MEF2D: variants seen among roughly 807,000 people sequenced by gnomAD.
The protein encoded by MEF2D is myocyte-specific enhancer factor 2D.
A neutral mutation model predicts 59.3 loss-of-function variants in MEF2D; 10 were observed. The observed-to-expected ratio is 0.17, with a 90% CI of 0.10 to 0.29. The LOEUF (loss-of-function observed/expected upper bound fraction) is 0.29, where lower values mean the gene tolerates loss of function less well. MEF2D is among the 10% of genes least tolerant of loss of function. The pLI is 1.00. For missense variants in MEF2D, 508 were observed against 699.4 expected (o/e 0.73, Z 3.09); for synonymous variants, 305 against 295.0 (o/e 1.03, Z -0.35).
Position 156,469,169 on chromosome 1 carries a change from C to T in MEF2D, c.1007-149G>A, listed in dbSNP as rs961000477. 9.2e-6 allele frequency: 10 copies of T among 1,085,336 alleles called. No homozygotes were observed. The African/African-American group carries it at 1.4e-4, about 16-fold the overall frequency. The allele number at this position is 1,085,336 out of a possible 1,614,324, so 67.2% of individuals were successfully genotyped here. On this transcript the variant is annotated intron_variant, in intron 9 of 11. Coordinates refer to ENST00000348159, the MANE Select transcript of MEF2D (RefSeq NM_005920.4). The stretch of plus-strand genomic sequence containing the variant: ...GGAATTCAAGAAGACCACAAAAATT[C>T]AGTGAAGACGGTACTCAGAGTTAAA...
intron 1 of MEF2D, among the ~76,000 whole-genome samples, chr1:156,484,552 C>A (rs931883935): frequency 2.6e-5 from 4 of 152,232 alleles, no homozygotes; most frequent in African/African-American, 9.6e-5. Flanking sequence ...TAGTGCTTCC[C>A]AACCTTGTAC....
At chr1:156,467,867 G>A in intron 11 of MEF2D, 126 bp downstream of exon 11, 1 of 1,285,506 alleles carries the variant, frequency 7.8e-7, no homozygotes, top group Non-Finnish European at 1.1e-6. Context: ...TGCCCTAGAA[G>A]GGCTGGCGGA....
rs72710264 is a variant in MEF2D, at chr1:156,487,852, A to G, written c.-138-4422T>C. ...CTGTCTGGTCTACTCCTCCTCTAGG[A>G]AGCCCTCGCAGATGATCCGGCCCTT... On this transcript the variant is annotated intron_variant, in intron 1 of 11. Transcript: ENST00000348159. 6.9e-3 allele frequency among the ~76,000 whole-genome samples: 1,052 copies of G among 152,324 alleles called. 4 individuals carry two copies. The highest frequency in any genetic ancestry group is 0.011 in the Non-Finnish European group (744 of 68,024).
intron 1 of MEF2D, among the ~76,000 whole-genome samples, chr1:156,489,539 C>T (rs533703317): frequency 1.3e-5 from 2 of 152,158 alleles, no homozygotes; most frequent in East Asian, 1.9e-4. Flanking sequence ...CAGGAGACCA[C>T]AGAGACAAAG....
intron 1 of MEF2D, among the ~76,000 whole-genome samples, chr1:156,498,843 C>T (rs1306326952): frequency 5.9e-5 from 9 of 152,150 alleles, no homozygotes; most frequent in Admixed American, 5.9e-4. Context: ...AGGTCCTCAG[C>T]CACTCCCACA....
chr1:156,492,804 G>C (rs1022697814), intron 1 of MEF2D, among the ~76,000 whole-genome samples: 2 of 152,168 alleles, frequency 1.3e-5, no homozygotes, highest in Admixed American at 1.3e-4. Context: ...TGGCAGCTGG[G>C]GCCTTGGGGG....
intron 4 of MEF2D, among the ~76,000 whole-genome samples, chr1:156,480,216 C>T (rs1341144546): frequency 6.6e-6 from 1 of 152,098 alleles, no homozygotes; most frequent in Non-Finnish European, 1.5e-5. Context: ...GCAGTCTCCA[C>T]CCATCTGGCC....
At chr1:156,473,303 C>T (rs936089198) in intron 9 of MEF2D, among the ~76,000 whole-genome samples, 2 of 152,192 alleles carry the variant, frequency 1.3e-5, no homozygotes, top group African/African-American at 2.4e-5. Flanking sequence ...ATGTGAGCCA[C>T]CACGCCTGGC....
intron 9 of MEF2D, among the ~76,000 whole-genome samples, chr1:156,470,429 A>AAAAAG (rs1671161930): frequency 6.6e-6 from 1 of 151,562 alleles, no homozygotes; most frequent in African/African-American, 2.4e-5. Context: ...AAAAAAAAAA[A>AAAAAG]AAAGAAAGAA....
intron 9 of MEF2D, among the ~76,000 whole-genome samples, chr1:156,469,475 C>A (rs193097369): frequency 1.6e-3 from 239 of 152,084 alleles, no homozygotes; most frequent in Non-Finnish European, 2.9e-3. Context: ...CAAGGCTGGT[C>A]TCAAACTCCT....
chr1:156,468,342 G>A lies in MEF2D; in HGVS notation c.1248-43C>T. Reference sequence around the variant, plus strand: ...AAATGGGGTACAAGGGATAAAAACAGAGGGGGTGAGTGACAGAACAAGTGA... The same window carrying A: ...AAATGGGGTACAAGGGATAAAAACAAAGGGGGTGAGTGACAGAACAAGTGA... On this transcript the variant is annotated intron_variant, in intron 10 of 11. Transcript: ENST00000348159. The surrounding 1 kb of genome is among the most constrained non-coding windows in gnomAD (Gnocchi z 4.3). 1 of 1,400,564 alleles carries A rather than the reference G, an allele frequency of 7.1e-7. No homozygotes were observed. Among genetic ancestry groups the A allele is most frequent in the Non-Finnish European group, 9.7e-7 (1 of 1,029,102 alleles). The allele number at this position is 1,400,564 out of a possible 1,614,324, so 86.8% of individuals were successfully genotyped here.
chr1:156,480,162 G>A (rs1278809109), intron 4 of MEF2D, among the ~76,000 whole-genome samples: 1 of 152,116 alleles, frequency 6.6e-6, no homozygotes, highest in Non-Finnish European at 1.5e-5. Context: ...ATTCACACAC[G>A]GCTGTTAAAG....
intron 1 of MEF2D, among the ~76,000 whole-genome samples, chr1:156,483,852 C>G (rs1672175140): frequency 6.6e-6 from 1 of 152,164 alleles, no homozygotes; most frequent in Non-Finnish European, 1.5e-5. Flanking sequence ...GGACATCTGC[C>G]CAGTCAGTGA....
chr1:156,488,965 C>T (rs192345191), intron 1 of MEF2D, among the ~76,000 whole-genome samples: 3 of 152,300 alleles, frequency 2.0e-5, no homozygotes, highest in Admixed American at 6.5e-5. Context: ...CATATCTGTT[C>T]CCATCCTAGT....
intron 9 of MEF2D, among the ~76,000 whole-genome samples, chr1:156,474,655 G>A (rs1419531453): frequency 2.6e-5 from 4 of 151,086 alleles, no homozygotes. Flanking sequence ...CAAAAAAAAT[G>A]TAAAAAGAGC....
chr1:156,476,314 C>G (rs1671602750), intron 8 of MEF2D, among the ~76,000 whole-genome samples, 180 bp downstream of exon 8: 1 of 152,218 alleles, frequency 6.6e-6, no homozygotes, highest in African/African-American at 2.4e-5. Flanking sequence ...CTCACCCCCA[C>G]CCCATTCACC....
intron 3 of MEF2D, 29 bp downstream of exon 3, chr1:156,482,408 T>C: frequency 6.2e-7 from 1 of 1,612,198 alleles, no homozygotes; most frequent in Non-Finnish European, 8.5e-7. Context: ...GGCGGGGGTA[T>C]ATCCTGGTGC....
chr1:156,477,028 C>G lies in MEF2D; in HGVS notation c.839G>C (p.Gly280Ala). ...LRVITSQAGK[G>A]LMHHLTEDHL... is the part of the protein sequence containing the mutation. Reference sequence around the variant, plus strand: ...CCCACTTACCAAGTGATGCATTAACCCCTTTCCTGCCTGGGAAGTGATGAC... The same window carrying G: ...CCCACTTACCAAGTGATGCATTAACGCCTTTCCTGCCTGGGAAGTGATGAC... The change falls in exon 7 of 12, where the codon GGG becomes GCG. Residue 280 changes from glycine to alanine, a missense_variant. Around this residue, in one of 2 missense-constraint regions of MEF2D, gnomAD observed 481 missense variants for 584.7 expected, o/e 0.82. Coordinates refer to ENST00000348159, the MANE Select transcript of MEF2D (RefSeq NM_005920.4). 6.2e-7 allele frequency: 1 copy of G among 1,613,912 alleles called. No individual in the cohort carries two copies. Among genetic ancestry groups the G allele is most frequent in the Non-Finnish European group, 8.5e-7 (1 of 1,179,860 alleles).
chr1:156,494,818 A>G (rs897182084), intron 1 of MEF2D, among the ~76,000 whole-genome samples: 2 of 152,240 alleles, frequency 1.3e-5, no homozygotes, highest in Non-Finnish European at 2.9e-5. Flanking sequence ...TAAGGGGCAG[A>G]GGCAGACTGA....
Sources: gnomAD v4.1 joint callset for allele counts (sites outside exome capture counted in the v4.1 genomes callset) on GRCh38, gnomAD v4.1.1 for gene constraint, gnomAD v4.1.1 regional missense constraint, Gnocchi (gnomAD v3.1) non-coding constraint, MANE v1.5 for transcripts, NCBI Gene and HGNC (gene_info 2026-07-23, HGNC 2026-07-21) for gene names.